The following ANKIB1 variants were observed in gnomAD, a reference collection of about 807,000 sequenced individuals.
ANKIB1 encodes ankyrin repeat and IBR domain-containing protein 1.
A neutral mutation model predicts 122.1 loss-of-function variants in ANKIB1; 43 were observed. The observed-to-expected ratio is 0.35, with a 90% CI of 0.28 to 0.45. The LOEUF (loss-of-function observed/expected upper bound fraction) is 0.45, where lower values mean the gene tolerates loss of function less well. Among genes scored for constraint, ANKIB1 ranks in the 20% least tolerant of loss-of-function variants. The probability of loss-of-function intolerance (pLI) is 1.00; values close to 1 mark genes in which losing one functional copy is unlikely to be tolerated. For synonymous variants in ANKIB1, 390 were observed against 442.0 expected, an observed-to-expected ratio of 0.88 and a Z score of 1.48; for missense variants, 992 against 1,329.5, an observed-to-expected ratio of 0.75 and a Z score of 3.95.
chr7:92,357,430 T>G (rs1042611202), intron 9 of ANKIB1, among the ~76,000 whole-genome samples: 2 of 152,068 alleles, frequency 1.3e-5, no homozygotes, highest in African/African-American at 4.8e-5. Flanking sequence ...CAGTCATTGG[T>G]TAAAATTTTA....
intron 11 of ANKIB1, among the ~76,000 whole-genome samples, chr7:92,383,106 TA>T (rs1449879057): frequency 6.6e-6 from 1 of 152,112 alleles, no homozygotes; most frequent in Non-Finnish European, 1.5e-5. Context: ...GAGAATAACA[TA>T]AACACCTCTA....
intron 3 of ANKIB1, among the ~76,000 whole-genome samples, chr7:92,309,393 T>C (rs536659324): frequency 5.3e-5 from 8 of 152,130 alleles, no homozygotes; most frequent in Non-Finnish European, 2.9e-5. Context: ...CTGGCTCCAA[T>C]GTTTTCTAAC....
intron 3 of ANKIB1, among the ~76,000 whole-genome samples, chr7:92,309,942 A>AATATATAT (rs1162113763): frequency 1.5e-4 from 14 of 91,760 alleles, no homozygotes; most frequent in East Asian, 9.2e-4. Flanking sequence ...AAAAAAAAAA[A>AATATATAT]ATATATATAT....
intron 4 of ANKIB1, 63 bp downstream of exon 4, chr7:92,319,575 G>A (rs773534695): frequency 3.8e-5 from 57 of 1,500,400 alleles, no homozygotes; most frequent in Non-Finnish European, 5.2e-5. Context: ...ATGTTGTTTT[G>A]TATTTTTCTT....
intron 8 of ANKIB1, among the ~76,000 whole-genome samples, chr7:92,351,730 T>G (rs1803669634): frequency 6.8e-6 from 1 of 147,848 alleles, no homozygotes; most frequent in East Asian, 2.0e-4. Context: ...GTTTTTTTTT[T>G]TTTTTTTGGA....
At chr7:92,379,157 G>A (rs905749124) in intron 11 of ANKIB1, among the ~76,000 whole-genome samples, 6 of 152,342 alleles carry the variant, frequency 3.9e-5, no homozygotes, top group East Asian at 1.9e-4. Context: ...TTGGGAGGCC[G>A]AGACAGGCAG....
Position 92,294,930 on chromosome 7 carries a change from G to A in ANKIB1, c.-49G>A. On this transcript the variant is annotated 5_prime_UTR_variant, in exon 2 of 20. Coordinates refer to ENST00000265742, the MANE Select transcript of ANKIB1 (RefSeq NM_019004.2). ...CAGAAGTGTTCCAGAAGTGGCTGAAGATAGAAGGAAAAAAGTGCCACTGCC... is the reference window on the plus strand; with the variant it reads ...CAGAAGTGTTCCAGAAGTGGCTGAAAATAGAAGGAAAAAAGTGCCACTGCC... The A allele has an allele frequency of 6.9e-7, 1 of 1,450,508 alleles. No individual in the cohort carries two copies. 89.9% of individuals were successfully genotyped at this position (1,450,508 alleles called of 1,614,324 possible).
rs1454048468 is a variant in ANKIB1 at position 92,293,616 on chromosome 7, A to G, written c.-90-1273A>G. Among the ~76,000 whole-genome samples, 5 of 152,318 alleles carry G rather than the reference A, an allele frequency of 3.3e-5. No homozygotes were observed. The South Asian group carries it at 8.3e-4, about 25-fold the overall frequency. On this transcript the variant is annotated intron_variant, in intron 1 of 19. Transcript: ENST00000265742. ...ATTCTATCTTCTACATTGTCACAATAATTTTCTAAAGCATGAAATAATTAT... is the reference window on the plus strand; with the variant it reads ...ATTCTATCTTCTACATTGTCACAATGATTTTCTAAAGCATGAAATAATTAT...
At chr7:92,320,993 A>G (rs1802900172) in intron 4 of ANKIB1, among the ~76,000 whole-genome samples, 1 of 152,060 alleles carries the variant, frequency 6.6e-6, no homozygotes, top group Admixed American at 6.6e-5. Flanking sequence ...ACACCAAGGC[A>G]TTTGCAGTTG....
chr7:92,338,930 AAAAATATATATATAT>A (rs1803362753), intron 5 of ANKIB1, among the ~76,000 whole-genome samples: 1 of 37,190 alleles, frequency 2.7e-5, no homozygotes, highest in African/African-American at 1.0e-4. Context: ...AAAAAAAAAA[AAAAATATATATATAT>A]ATATATATAT....
At chr7:92,378,405 T>C (rs918618030) in intron 11 of ANKIB1, among the ~76,000 whole-genome samples, 4 of 151,656 alleles carry the variant, frequency 2.6e-5, no homozygotes, top group Admixed American at 6.6e-5. Context: ...GGAAAGTTGA[T>C]GTTGTACCTC....
intron 6 of ANKIB1, 57 bp downstream of exon 6, chr7:92,343,289 C>A: frequency 6.9e-7 from 1 of 1,439,364 alleles, no homozygotes; most frequent in South Asian, 1.2e-5. Flanking sequence ...TTTTAACATT[C>A]AAATGATTTA....
chr7:92,315,233 G>A (rs1014354277), intron 3 of ANKIB1, among the ~76,000 whole-genome samples: 1 of 152,160 alleles, frequency 6.6e-6, no homozygotes, highest in Admixed American at 6.5e-5. Context: ...AAGGTGAAAT[G>A]GAGAAATTGG....
intron 1 of ANKIB1, 105 bp from the exon 2 acceptor site, chr7:92,294,784 C>T: frequency 8.3e-6 from 4 of 482,450 alleles, no homozygotes; most frequent in Non-Finnish European, 1.1e-5. Flanking sequence ...TAGTTGGTTC[C>T]CTTATCGATG....
chr7:92,290,477 GGTT>G (rs1387910364), intron 1 of ANKIB1, among the ~76,000 whole-genome samples: 1 of 151,412 alleles, frequency 6.6e-6, no homozygotes, highest in African/African-American at 2.4e-5. Context: ...GTAGATTTAA[GGTT>G]GTTATTATCA....
At chr7:92,246,960 A>C (rs1801100339) in intron 1 of ANKIB1, among the ~76,000 whole-genome samples, 3 of 152,208 alleles carry the variant, frequency 2.0e-5, no homozygotes. Flanking sequence ...AGATGGCTCC[A>C]GTGAACCTTT....
intron 7 of ANKIB1, chr7:92,347,871 G>A (rs1025849854): frequency 3.4e-5 from 9 of 268,364 alleles, no homozygotes; most frequent in African/African-American, 1.2e-4. Flanking sequence ...ATTTCTTAAC[G>A]TATGTAAAGT....
intron 1 of ANKIB1, among the ~76,000 whole-genome samples, chr7:92,253,966 C>G (rs1221847712): frequency 6.6e-6 from 1 of 152,148 alleles, no homozygotes; most frequent in African/African-American, 2.4e-5. Flanking sequence ...TAGAAGTGAT[C>G]TATGAGTTCA....
chr7:92,304,584 G>T (rs1802520171), intron 2 of ANKIB1, among the ~76,000 whole-genome samples: 1 of 152,040 alleles, frequency 6.6e-6, no homozygotes, highest in African/African-American at 2.4e-5. Flanking sequence ...TATAAGAAAG[G>T]CTAGATAAAT....
Sources: allele counts gnomAD v4.1 joint callset (sites outside exome capture counted in the v4.1 genomes callset), GRCh38; gene constraint gnomAD v4.1.1; transcripts MANE v1.5; gene names NCBI Gene and HGNC (gene_info 2026-07-23, HGNC 2026-07-21).